Variants in ADCK1 observed in about 807,000 individuals in gnomAD.
ADCK1 encodes aarF domain-containing protein kinase 1.
ADCK1 carries 41 observed loss-of-function variants against 52.3 expected under a neutral mutation model. The observed-to-expected ratio is 0.78, with a 90% CI of 0.61 to 1.02. The LOEUF (loss-of-function observed/expected upper bound fraction) is 1.02. Ranked by LOEUF, ADCK1 falls within the 50% of genes least tolerant of loss-of-function variation. ADCK1 has a pLI of 0.00. For missense variants in ADCK1, 658 were observed against 679.5 expected (o/e 0.97, Z 0.35); for synonymous variants, 250 against 274.6 (o/e 0.91, Z 0.89).
At chr14:77,914,274 CTTG>C (rs780904253) in intron 7 of ADCK1, 41 of 364,082 alleles carry the variant, frequency 1.1e-4, no homozygotes, top group Non-Finnish European at 1.5e-4. Flanking sequence ...CTATTCTTTT[CTTG>C]TTGTGGTGGG....
chr14:77,809,298 G>A (rs2081289477), intron 1 of ADCK1, among the ~76,000 whole-genome samples: 1 of 151,984 alleles, frequency 6.6e-6, no homozygotes, highest in African/African-American at 2.4e-5. Flanking sequence ...AAGATATGAT[G>A]GCCTACTTCC....
At chr14:77,860,377 AGGAGAGTAGGGCAGAGGTTT>A (rs1320046741) in intron 4 of ADCK1, among the ~76,000 whole-genome samples, 2 of 152,236 alleles carry the variant, frequency 1.3e-5, no homozygotes, top group African/African-American at 4.8e-5. Flanking sequence ...GCGCAGGGCC[AGGAGAGTAGGGCAGAGGTTT>A]GATAAAGACC....
chr14:77,932,577 T>C (rs2084366743), intron 10 of ADCK1, among the ~76,000 whole-genome samples: 1 of 152,212 alleles, frequency 6.6e-6, no homozygotes, highest in South Asian at 2.1e-4. Context: ...TCTGGGAACC[T>C]ATCTGGTGAA....
intron 1 of ADCK1, among the ~76,000 whole-genome samples, chr14:77,818,316 C>A (rs1443679486): frequency 6.6e-6 from 1 of 152,126 alleles, no homozygotes; most frequent in Non-Finnish European, 1.5e-5. Flanking sequence ...GGGTCTGGCT[C>A]TGTCACCCAG....
rs2084101896 is a variant in ADCK1, at chr14:77,923,154, G to C, written c.859-1303G>C. The C allele has an allele frequency of 6.6e-6, 1 of 152,212 alleles. No homozygotes were observed. The highest frequency in any genetic ancestry group is 6.5e-5 in the Admixed American group (1 of 15,278). The allele number at this position is 152,212 out of a possible 1,614,324, so 9.4% of individuals were successfully genotyped here. On this transcript the variant is annotated intron_variant, in intron 7 of 10. Coordinates refer to ENST00000238561, the MANE Select transcript of ADCK1 (RefSeq NM_020421.4). The surrounding 1 kb of genome is among the most constrained non-coding windows in gnomAD (Gnocchi z 4.3). The stretch of plus-strand genomic sequence containing the variant: ...AATCAAATAATCACACAAATAGTGA[G>C]CTAGTGCCCTGAAAGAAAAGGCCTT...
intron 1 of ADCK1, among the ~76,000 whole-genome samples, chr14:77,802,672 C>T (rs963905549): frequency 2.6e-5 from 4 of 152,120 alleles, no homozygotes; most frequent in Admixed American, 6.5e-5. Flanking sequence ...GGTTCCTAGC[C>T]GGGCGCGGTG....
At chr14:77,844,349 G>A (rs558462933) in intron 3 of ADCK1, among the ~76,000 whole-genome samples, 1 of 152,194 alleles carries the variant, frequency 6.6e-6, no homozygotes, top group African/African-American at 2.4e-5. Flanking sequence ...CCAAAGTGCT[G>A]GGATTACAGA....
intron 3 of ADCK1, among the ~76,000 whole-genome samples, chr14:77,858,850 C>T (rs890752587): frequency 6.6e-6 from 1 of 152,034 alleles, no homozygotes; most frequent in Admixed American, 6.6e-5. Context: ...AGCACTGGGC[C>T]GTGTTTGAAG....
Position 77,925,834 on chromosome 14 carries a change from G to A in ADCK1, c.1079G>A (p.Arg360Lys), listed in dbSNP as rs1451026159. 6.2e-7 allele frequency: 1 copy of A among 1,614,090 alleles called. No individual in the cohort carries two copies. The highest frequency in any genetic ancestry group is 1.7e-5 in the Admixed American group (1 of 60,006). The change falls in exon 9 of 11, where the codon AGA becomes AAA. Residue 360 changes from arginine to lysine, a missense_variant. Arg to Lys is a conservative substitution (Grantham distance 26, BLOSUM62 2). Coordinates refer to ENST00000238561, the MANE Select transcript of ADCK1 (RefSeq NM_020421.4). ...TCTCTGATCTGGACTGACATGAAGAGAGTGAAGGAGTACAGCCAGCGACTG... is the reference window on the plus strand; with the variant it reads ...TCTCTGATCTGGACTGACATGAAGAAAGTGAAGGAGTACAGCCAGCGACTG... ...WQSLIWTDMK[R>K]VKEYSQRLGA...
chr14:77,802,576 G>A (rs1050344696), intron 1 of ADCK1, among the ~76,000 whole-genome samples: 4 of 150,958 alleles, frequency 2.6e-5, no homozygotes, highest in African/African-American at 4.9e-5. Context: ...TCAGCCTCCC[G>A]GGATTCCTTT....
At chr14:77,858,939 T>C (rs1470923580) in intron 3 of ADCK1, 137 bp from the exon 4 acceptor site, 1 of 740,860 alleles carries the variant, frequency 1.3e-6, no homozygotes, top group South Asian at 2.1e-5. Context: ...TGTGTGTGTG[T>C]GCGTGTGTGT....
intron 7 of ADCK1, among the ~76,000 whole-genome samples, chr14:77,922,617 C>T (rs376624836): frequency 3.9e-5 from 6 of 152,236 alleles, no homozygotes; most frequent in Admixed American, 6.5e-5. Flanking sequence ...AAGGTCACAG[C>T]GCTCAATTGA....
At chr14:77,813,640 T>C (rs1238312143) in intron 1 of ADCK1, among the ~76,000 whole-genome samples, 1 of 152,104 alleles carries the variant, frequency 6.6e-6, no homozygotes, top group Admixed American at 6.5e-5. Flanking sequence ...TAAAAATCGT[T>C]GCTTGCAGTT....
chr14:77,915,183 C>CT (rs34034949), intron 7 of ADCK1, among the ~76,000 whole-genome samples: 9,109 of 145,744 alleles, frequency 0.062, 306 homozygotes, highest in Middle Eastern at 0.096. Context: ...TGGACCAAAT[C>CT]TTTTTTTTTT....
chr14:77,850,457 G>A (rs1235889089), intron 3 of ADCK1, among the ~76,000 whole-genome samples: 2 of 152,040 alleles, frequency 1.3e-5, no homozygotes, highest in Non-Finnish European at 2.9e-5. Flanking sequence ...GTTTTTTTAC[G>A]TCATGTATTT....
chr14:77,915,917 G>A lies in ADCK1; in HGVS notation c.858+7998G>A, dbSNP rs377642207. Among the ~76,000 whole-genome samples, 14 of 152,266 alleles carry A rather than the reference G, an allele frequency of 9.2e-5. No homozygotes were observed. The South Asian group carries it at 1.5e-3, about 16-fold the overall frequency. On this transcript the variant is annotated intron_variant, in intron 7 of 10. Coordinates refer to ENST00000238561, the MANE Select transcript of ADCK1 (RefSeq NM_020421.4). ...ATACAAGAGAGTAACCCACTGGATC[G>A]TTTGATGACTGAAACAGAACGCTTG...
chr14:77,909,424 C>T (rs894113374), intron 7 of ADCK1, among the ~76,000 whole-genome samples: 5 of 152,152 alleles, frequency 3.3e-5, no homozygotes, highest in Non-Finnish European at 7.4e-5. Context: ...CGTGAGCCAC[C>T]GCGCCTGGCT....
intron 5 of ADCK1, 61 bp from the exon 6 acceptor site, chr14:77,899,039 T>G: frequency 3.1e-6 from 5 of 1,598,112 alleles, no homozygotes; most frequent in Non-Finnish European, 4.3e-6. Flanking sequence ...GGCAGGAAGG[T>G]AGGGAATGTC....
intron 4 of ADCK1, among the ~76,000 whole-genome samples, chr14:77,878,384 A>G (rs1438535687): frequency 6.6e-6 from 1 of 152,246 alleles, no homozygotes; most frequent in Non-Finnish European, 1.5e-5. Context: ...ACCCAGATAT[A>G]AGGAACTACC....
Sources: gnomAD v4.1 joint callset for allele counts (sites outside exome capture counted in the v4.1 genomes callset) on GRCh38, gnomAD v4.1.1 for gene constraint, Gnocchi (gnomAD v3.1) non-coding constraint, MANE v1.5 for transcripts, NCBI Gene and HGNC (gene_info 2026-07-23, HGNC 2026-07-21) for gene names.